The following HS6ST3 variants were observed in gnomAD, a reference collection of about 807,000 sequenced individuals.
HS6ST3 encodes heparan sulfate 6-O-sulfotransferase 3, also known as heparan-sulfate 6-O-sulfotransferase 3.
Under a neutral mutation model 36.7 loss-of-function variants are expected in HS6ST3, and 12 were observed. The observed-to-expected ratio is 0.33, with a 90% CI of 0.21 to 0.53. The LOEUF (loss-of-function observed/expected upper bound fraction) is 0.53, where lower values mean the gene tolerates loss of function less well. Among genes scored for constraint, HS6ST3 ranks in the 20% least tolerant of loss-of-function variants. The probability of loss-of-function intolerance (pLI) is 0.95; values close to 1 mark genes in which losing one functional copy is unlikely to be tolerated. For missense variants in HS6ST3, 584 were observed against 640.9 expected (o/e 0.91, Z 0.96); for synonymous variants, 240 against 257.5 (o/e 0.93, Z 0.65).
At chr13:96,765,159 C>T (rs550060765) in intron 1 of HS6ST3, among the ~76,000 whole-genome samples, 2 of 151,606 alleles carry the variant, frequency 1.3e-5, no homozygotes, top group East Asian at 1.9e-4. Flanking sequence ...CTGCAAGCTC[C>T]GCCTTCTGGG....
chr13:96,241,152 C>A (rs55910913), intron 1 of HS6ST3, among the ~76,000 whole-genome samples: 1 of 130,772 alleles, frequency 7.6e-6, no homozygotes, highest in Admixed American at 7.5e-5. Context: ...TTTTTTTTTT[C>A]TTTTCCATAA....
At chr13:96,821,967 T>A (rs1053907222) in intron 1 of HS6ST3, among the ~76,000 whole-genome samples, 1 of 152,244 alleles carries the variant, frequency 6.6e-6, no homozygotes, top group African/African-American at 2.4e-5. Flanking sequence ...TCTGATTTAC[T>A]TCTTTTCCTG....
intron 1 of HS6ST3, among the ~76,000 whole-genome samples, chr13:96,583,586 C>T (rs781765758): frequency 6.6e-6 from 1 of 152,110 alleles, no homozygotes; most frequent in Non-Finnish European, 1.5e-5. Context: ...TTCTGCCCAA[C>T]CTCATTTTGA....
chr13:96,529,009 T>C (rs2056125501), intron 1 of HS6ST3, among the ~76,000 whole-genome samples: 1 of 152,152 alleles, frequency 6.6e-6, no homozygotes, highest in South Asian at 2.1e-4. Flanking sequence ...ATATATTTAC[T>C]ATTGCCATTT....
chr13:96,616,835 C>T (rs942567527), intron 1 of HS6ST3, among the ~76,000 whole-genome samples: 2 of 152,178 alleles, frequency 1.3e-5, no homozygotes, highest in African/African-American at 4.8e-5. Flanking sequence ...GTTTCCTTTG[C>T]ACCTGGTAGG....
chr13:96,708,143 A>T (rs1325484677), intron 1 of HS6ST3, among the ~76,000 whole-genome samples: 2 of 152,222 alleles, frequency 1.3e-5, no homozygotes, highest in Non-Finnish European at 2.9e-5. Context: ...AGTTCAAGAA[A>T]ACAGCTGCCA....
At chr13:96,103,442 G>T (rs983250818) in intron 1 of HS6ST3, among the ~76,000 whole-genome samples, 3 of 152,136 alleles carry the variant, frequency 2.0e-5, no homozygotes, top group African/African-American at 7.2e-5. Flanking sequence ...AGTGCCTAGA[G>T]TAGTGCCTGG....
intron 1 of HS6ST3, among the ~76,000 whole-genome samples, chr13:96,482,512 G>A (rs1379698411): frequency 6.6e-6 from 1 of 151,130 alleles, no homozygotes; most frequent in Non-Finnish European, 1.5e-5. Flanking sequence ...TGTCCTATAG[G>A]GACTAACTTT....
intron 1 of HS6ST3, among the ~76,000 whole-genome samples, chr13:96,354,026 A>G (rs2055197780): frequency 6.6e-6 from 1 of 152,190 alleles, no homozygotes; most frequent in Non-Finnish European, 1.5e-5. Flanking sequence ...TAGTTACTCT[A>G]AATGCACTCT....
At chr13:96,107,882 TC>T (rs1385117657) in intron 1 of HS6ST3, among the ~76,000 whole-genome samples, 18 of 152,326 alleles carry the variant, frequency 1.2e-4, no homozygotes, top group African/African-American at 4.3e-4. Context: ...CCCATCATCT[TC>T]GTAAGCTGAG....
At chr13:96,454,509 A>C (rs1400422356) in intron 1 of HS6ST3, among the ~76,000 whole-genome samples, 2 of 152,172 alleles carry the variant, frequency 1.3e-5, no homozygotes, top group East Asian at 3.9e-4. Context: ...TCATAATACT[A>C]ACTATATGTC....
intron 1 of HS6ST3, among the ~76,000 whole-genome samples, chr13:96,544,305 CTA>C (rs1334348756): frequency 2.0e-5 from 3 of 152,140 alleles, no homozygotes; most frequent in Admixed American, 6.6e-5. Flanking sequence ...CATCTGAAAA[CTA>C]TGTAATATAA....
intron 1 of HS6ST3, among the ~76,000 whole-genome samples, chr13:96,329,446 A>G (rs1452408756): frequency 1.4e-4 from 21 of 145,634 alleles, no homozygotes; most frequent in Non-Finnish European, 2.7e-4. Flanking sequence ...TGTACCCAGT[A>G]GTCATTCAGG....
intron 1 of HS6ST3, among the ~76,000 whole-genome samples, chr13:96,414,257 C>G (rs1489876390): frequency 6.6e-6 from 1 of 152,168 alleles, no homozygotes; most frequent in African/African-American, 2.4e-5. Context: ...TTGTGGTTTA[C>G]TAAGTATTAA....
At chr13:96,331,445 G>C (rs1332277665) in intron 1 of HS6ST3, among the ~76,000 whole-genome samples, 2 of 152,206 alleles carry the variant, frequency 1.3e-5, no homozygotes, top group Non-Finnish European at 2.9e-5. Context: ...TGCCGTGTGA[G>C]GTGTCAGTGT....
chr13:96,484,229 G>T (rs1431990134), intron 1 of HS6ST3, among the ~76,000 whole-genome samples: 3 of 151,946 alleles, frequency 2.0e-5, no homozygotes, highest in Admixed American at 2.0e-4. Flanking sequence ...TGTGTATATT[G>T]TGAAATGATC....
intron 1 of HS6ST3, among the ~76,000 whole-genome samples, chr13:96,397,737 A>G (rs766760528): frequency 6.6e-6 from 1 of 152,258 alleles, no homozygotes; most frequent in Non-Finnish European, 1.5e-5. Flanking sequence ...TCATATGTAT[A>G]GTTCTTTAGA....
chr13:96,615,598 A>G (rs1399800326), intron 1 of HS6ST3, among the ~76,000 whole-genome samples: 1 of 152,248 alleles, frequency 6.6e-6, no homozygotes, highest in African/African-American at 2.4e-5. Context: ...AGACAAAATC[A>G]TCTCCAAGGT....
chr13:96,223,091 T>C (rs1421349362), intron 1 of HS6ST3, among the ~76,000 whole-genome samples: 1 of 152,218 alleles, frequency 6.6e-6, no homozygotes, highest in African/African-American at 2.4e-5. Flanking sequence ...CTCTTACTAT[T>C]GTTAGCCATG....
Sources: allele counts gnomAD v4.1 joint callset (sites outside exome capture counted in the v4.1 genomes callset), GRCh38; gene constraint gnomAD v4.1.1; transcripts MANE v1.5; gene names NCBI Gene and HGNC (gene_info 2026-07-23, HGNC 2026-07-21).